Variants in CFAP45 observed in about 807,000 individuals in gnomAD.
The protein encoded by CFAP45 is cilia and flagella associated protein 45.
Under a neutral mutation model 75.6 loss-of-function variants are expected in CFAP45, and 43 were observed. The ratio of observed to expected loss-of-function variants is 0.57; its 90% CI spans 0.45 to 0.73. CFAP45 has a LOEUF of 0.73. Ranked by LOEUF, CFAP45 falls within the 30% of genes least tolerant of loss-of-function variation. The pLI is 0.00. For synonymous variants in CFAP45, 223 were observed against 244.6 expected (o/e 0.91, Z 0.82); for missense variants, 689 against 701.5 (o/e 0.98, Z 0.20).
chr1:159,880,499 T>C, intron 8 of CFAP45, 55 bp downstream of exon 8: 2 of 1,536,548 alleles, frequency 1.3e-6, no homozygotes, highest in Non-Finnish European at 1.8e-6. Context: ...GGCCCTCCTC[T>C]CCCTGTGACA....
chr1:159,880,724 T>C, intron 7 of CFAP45, 24 bp from the exon 8 acceptor site: 1 of 1,612,626 alleles, frequency 6.2e-7, no homozygotes, highest in Non-Finnish European at 8.5e-7. Context: ...AAAGAGAGCC[T>C]CAGAGTACAA....
At chr1:159,887,754 T>C (rs1649723440) in intron 5 of CFAP45, 87 bp downstream of exon 5, 1 of 1,332,712 alleles carries the variant, frequency 7.5e-7, no homozygotes, top group East Asian at 2.4e-5. Flanking sequence ...CCCCCACCAG[T>C]CCCTGGCCTT....
intron 1 of CFAP45, among the ~76,000 whole-genome samples, chr1:159,899,093 C>G (rs1419545966): frequency 6.6e-6 from 1 of 152,134 alleles, no homozygotes; most frequent in Non-Finnish European, 1.5e-5. Flanking sequence ...ATCTGCCCTT[C>G]CCCTCCCCTC....
At position 159,880,436 on chromosome 1, in the gene CFAP45, G is replaced by A. The variant is rs532564479; in HGVS notation, c.1044+118C>T. 2.9e-5 allele frequency: 25 copies of A among 862,732 alleles called. No individual in the cohort carries two copies. In the South Asian group the frequency reaches 4.4e-4, roughly 15 times the overall value. 53.4% of individuals were successfully genotyped at this position (862,732 alleles called of 1,614,324 possible). On this transcript the variant is annotated intron_variant, in intron 8 of 11. Coordinates refer to ENST00000368099, the MANE Select transcript of CFAP45 (RefSeq NM_012337.3). ...AGCCAGGCCCTTGAACTAAGGATGT[G>A]CATCTTAGAATGAAGGTGCGGCTGC... is the stretch of plus-strand genomic sequence containing the variant.
At chr1:159,876,278 C>A in intron 10 of CFAP45, 1 of 491,066 alleles carries the variant, frequency 2.0e-6, no homozygotes, top group East Asian at 3.7e-5. Flanking sequence ...CAGAATTTTA[C>A]CTTTATTTAT....
In CFAP45 at chr1:159,886,546, C is replaced by T. The variant is rs762263186; in HGVS notation, c.732G>A (p.Glu244=). 2 of 1,614,164 alleles carry T rather than the reference C, an allele frequency of 1.2e-6. No individual in the cohort carries two copies. The highest frequency in any genetic ancestry group is 2.2e-5 in the South Asian group (2 of 91,082). The change falls in exon 6 of 12, where the codon GAG becomes GAA. Residue 244 remains glutamate (E), a synonymous_variant. Transcript: ENST00000368099. Reference sequence around the variant, plus strand: ...CCTCCCTCCTCTTCCTCTCCAGTTCCTCCTGCCTTTGAATGGATTTCTGCC... The same window carrying T: ...CCTCCCTCCTCTTCCTCTCCAGTTCTTCCTGCCTTTGAATGGATTTCTGCC... ...VERQKSIQRQ[E]ELERKRREER...
intron 1 of CFAP45, 67 bp downstream of exon 1, chr1:159,900,029 C>T (rs1187010323): frequency 1.9e-6 from 3 of 1,596,786 alleles, no homozygotes; most frequent in Middle Eastern, 1.7e-4. Context: ...CCTAGGCCCC[C>T]ACTTTCCCCA....
rs372198026 is a variant in CFAP45, at chr1:159,893,184, A to G, written c.125T>C (p.Ile42Thr). The G allele has an allele frequency of 8.1e-6, 13 of 1,613,748 alleles. No homozygotes were observed. The highest frequency in any genetic ancestry group is 1.0e-5 in the Non-Finnish European group (12 of 1,179,832). ...SEVDESLFGDIKSPAQGQSDS... is the reference protein window; with the variant it reads ...SEVDESLFGDTKSPAQGQSDS... The stretch of plus-strand genomic sequence containing the variant: ...AAAGGACTTGTTGAGGATTACCTTG[A>G]TATCTCCAAAGAGGCTCTCATCCAC... Residue 42 changes from isoleucine (I) to threonine (T), a missense_variant, in exon 2 of 12, where the codon ATC becomes ACC. Coordinates refer to ENST00000368099, the MANE Select transcript of CFAP45 (RefSeq NM_012337.3).
chr1:159,876,771 C>G (rs1649414839), intron 9 of CFAP45, 22 bp from the exon 10 acceptor site: 2 of 1,613,916 alleles, frequency 1.2e-6, no homozygotes, highest in South Asian at 2.2e-5. Flanking sequence ...GGCAGGGGAC[C>G]AGTGAGGGCA....
At position 159,890,487 on chromosome 1, in the gene CFAP45, C is replaced by G. The variant is rs771306769; in HGVS notation, c.265G>C (p.Glu89Gln). 6.2e-7 allele frequency: 1 copy of G among 1,614,012 alleles called. No individual in the cohort carries two copies. Among genetic ancestry groups the G allele is most frequent in the Non-Finnish European group, 8.5e-7 (1 of 1,180,008 alleles). The part of the protein sequence containing the change: ...IQLITRDMVR[E>Q]LIVPTEDPSG... ...AGGGGACGGTGTACTCACATGAGTTCTCGGACCATGTCCCGGGTGATGAGC... is the reference window on the plus strand; with the variant it reads ...AGGGGACGGTGTACTCACATGAGTTGTCGGACCATGTCCCGGGTGATGAGC... Residue 89 changes from glutamate (E) to glutamine (Q), a missense_variant, in exon 3 of 12, where the codon GAA (glutamate) becomes CAA (glutamine). Glu to Gln is a conservative substitution (Grantham distance 29). Coordinates refer to ENST00000368099, the MANE Select transcript of CFAP45 (RefSeq NM_012337.3).
chr1:159,894,337 G>A (rs745445260), intron 1 of CFAP45, among the ~76,000 whole-genome samples: 4 of 152,268 alleles, frequency 2.6e-5, no homozygotes, highest in Non-Finnish European at 4.4e-5. Flanking sequence ...CCTGAGACAC[G>A]CACAGTGTCC....
intron 5 of CFAP45, among the ~76,000 whole-genome samples, 165 bp from the exon 6 acceptor site, chr1:159,886,854 A>G (rs1329645135): frequency 2.0e-5 from 3 of 152,124 alleles, no homozygotes; most frequent in Non-Finnish European, 4.4e-5. Flanking sequence ...TCCCCTTAAT[A>G]TAGTTTAGCT....
chr1:159,893,209 C>A lies in CFAP45; in HGVS notation c.100G>T (p.Val34Leu). ...ATATCTCCAAAGAGGCTCTCATCCA[C>A]CTCAGAGCTCACGGCTTTGGTCCGA... ...RYRTKAVSSEVDESLFGDIKS... is the reference protein window; with the variant it reads ...RYRTKAVSSELDESLFGDIKS... Residue 34 changes from valine to leucine, a missense_variant, in exon 2 of 12, where the codon GTG becomes TTG. Coordinates refer to ENST00000368099, the MANE Select transcript of CFAP45 (RefSeq NM_012337.3). 1.2e-6 allele frequency: 2 copies of A among 1,614,100 alleles called. No individual in the cohort carries two copies. Among genetic ancestry groups the A allele is most frequent in the Admixed American group, 3.3e-5 (2 of 60,030 alleles).
chr1:159,885,677 G>T (rs1025807516), intron 6 of CFAP45, among the ~76,000 whole-genome samples: 4 of 152,154 alleles, frequency 2.6e-5, no homozygotes, highest in Middle Eastern at 3.2e-3. Flanking sequence ...TACAGAACTG[G>T]ATACGAAAGG....
At chr1:159,893,788 G>C (rs571323085) in intron 1 of CFAP45, among the ~76,000 whole-genome samples, 250 of 152,138 alleles carry the variant, frequency 1.6e-3, no homozygotes, top group African/African-American at 5.6e-3. Flanking sequence ...AATGTTATAA[G>C]ATTAAATGAG....
At chr1:159,900,038 C>A (rs776517677) in intron 1 of CFAP45, 58 bp downstream of exon 1, 3 of 1,608,564 alleles carry the variant, frequency 1.9e-6, no homozygotes, top group East Asian at 2.2e-5. Context: ...CCACTTTCCC[C>A]ACTCAGAGCC....
chr1:159,896,367 G>A (rs978094458), intron 1 of CFAP45, among the ~76,000 whole-genome samples: 2 of 152,214 alleles, frequency 1.3e-5, no homozygotes, highest in Non-Finnish European at 2.9e-5. Context: ...GAACTCTAGG[G>A]TTGGGTGGTT....
chr1:159,898,509 C>T (rs529584516), intron 1 of CFAP45, among the ~76,000 whole-genome samples: 1 of 152,332 alleles, frequency 6.6e-6, no homozygotes, highest in East Asian at 1.9e-4. Context: ...CCCACTGCTT[C>T]TCAAAGGTGT....
chr1:159,876,480 G>T, intron 10 of CFAP45, 76 bp downstream of exon 10: 2 of 1,076,204 alleles, frequency 1.9e-6, no homozygotes, highest in Non-Finnish European at 2.8e-6. Context: ...ATGCCAGAAA[G>T]CTTCTCTCTA....
Sources: allele counts gnomAD v4.1 joint callset (sites outside exome capture counted in the v4.1 genomes callset), GRCh38; gene constraint gnomAD v4.1.1; transcripts MANE v1.5; gene names NCBI Gene and HGNC (gene_info 2026-07-23, HGNC 2026-07-21).